CTNNA1: variants seen among roughly 807,000 people sequenced by gnomAD.
CTNNA1 encodes the protein catenin alpha 1, also known as catenin alpha-1.
In CTNNA1, 37 loss-of-function variants were observed where a neutral mutation model predicts 98.4. The observed-to-expected ratio is 0.38, with a 90% CI of 0.29 to 0.49. The LOEUF is 0.49. Ranked by LOEUF, CTNNA1 falls within the 20% of genes least tolerant of loss-of-function variation. The probability of loss-of-function intolerance (pLI) is 0.95; values close to 1 mark genes in which losing one functional copy is unlikely to be tolerated. For missense variants in CTNNA1, 761 were observed against 1,147.2 expected, an observed-to-expected ratio of 0.66 and a Z score of 4.86; for synonymous variants, 404 against 413.2, an observed-to-expected ratio of 0.98 and a Z score of 0.27.
At chr5:138,834,790 C>T (rs1277203290) in intron 7 of CTNNA1, among the ~76,000 whole-genome samples, 2 of 152,102 alleles carry the variant, frequency 1.3e-5, no homozygotes, top group Admixed American at 6.5e-5. Flanking sequence ...TGTCACTTGC[C>T]TCTGTGTGAA....
intron 11 of CTNNA1, among the ~76,000 whole-genome samples, chr5:138,919,947 T>C (rs954187418): frequency 6.6e-6 from 1 of 151,722 alleles, no homozygotes; most frequent in Non-Finnish European, 1.5e-5. Context: ...GTACATCCCT[T>C]ACCCATGGTA....
intron 1 of CTNNA1, among the ~76,000 whole-genome samples, chr5:138,774,900 C>G (rs928284185): frequency 6.6e-6 from 1 of 152,066 alleles, no homozygotes; most frequent in Non-Finnish European, 1.5e-5. Context: ...TGAGCCACCG[C>G]GCCCGTCCTG....
At chr5:138,882,022 T>G (rs13362148) in intron 7 of CTNNA1, among the ~76,000 whole-genome samples, 3,482 of 152,296 alleles carry the variant, frequency 0.023, 135 homozygotes, top group African/African-American at 0.081. Context: ...GCCACACAGA[T>G]TACACATGAA....
chr5:138,914,482 C>G (rs1761316871), intron 10 of CTNNA1, among the ~76,000 whole-genome samples: 2 of 152,106 alleles, frequency 1.3e-5, no homozygotes, highest in African/African-American at 2.4e-5. Context: ...TTGCCTAAAC[C>G]CAGGCACTTA....
At chr5:138,794,385 A>G (rs1756709368) in intron 3 of CTNNA1, among the ~76,000 whole-genome samples, 1 of 152,216 alleles carries the variant, frequency 6.6e-6, no homozygotes, top group African/African-American at 2.4e-5. Context: ...TGCATCCCAG[A>G]AAGTTCTCTT....
Position 138,812,218 on chromosome 5 carries a change from C to G in CTNNA1, c.504C>G (p.Gly168=). 6.2e-7 allele frequency: 1 copy of G among 1,613,402 alleles called. No homozygotes were observed. The highest frequency in any genetic ancestry group is 2.2e-5 in the East Asian group (1 of 44,828). The part of the protein sequence containing the change: ...EDGILKLRNA[G]NEQDLGIQYK... ...GTATCTTGAAGTTGAGGAATGCTGG[C>G]AATGAACAAGACTTAGGAATCCAGT... The change falls in exon 5 of 18, where the codon GGC becomes GGG. Residue 168 remains glycine, a synonymous_variant. Coordinates refer to ENST00000302763, the MANE Select transcript of CTNNA1 (RefSeq NM_001903.5).
intron 11 of CTNNA1, among the ~76,000 whole-genome samples, chr5:138,918,571 G>T (rs141174491): frequency 2.0e-5 from 3 of 152,226 alleles, no homozygotes; most frequent in East Asian, 3.9e-4. Flanking sequence ...AAAAACAGTT[G>T]ATTTCATTAT....
At chr5:138,914,845 T>C (rs1761385950) in intron 10 of CTNNA1, among the ~76,000 whole-genome samples, 1 of 152,098 alleles carries the variant, frequency 6.6e-6, no homozygotes, top group South Asian at 2.1e-4. Context: ...CCAAGTTGCA[T>C]GATTATAAAC....
intron 13 of CTNNA1, among the ~76,000 whole-genome samples, chr5:138,928,762 C>T (rs111461961): frequency 0.023 from 3,562 of 152,196 alleles, 121 homozygotes; most frequent in African/African-American, 0.077. Flanking sequence ...GGTGAAACCC[C>T]GTCTCTACTA....
At chr5:138,826,784 T>C (rs1483831805) in intron 6 of CTNNA1, among the ~76,000 whole-genome samples, 1 of 152,214 alleles carries the variant, frequency 6.6e-6, no homozygotes, top group Admixed American at 6.5e-5. Context: ...GAGATCAGTT[T>C]GTATGTGTGC....
chr5:138,927,334 C>T (rs1255808755), intron 13 of CTNNA1, among the ~76,000 whole-genome samples: 1 of 152,218 alleles, frequency 6.6e-6, no homozygotes, highest in African/African-American at 2.4e-5. Context: ...TCCTGCTGAT[C>T]TCCTCTTGTA....
chr5:138,876,583 T>G (rs1024353343), intron 7 of CTNNA1, among the ~76,000 whole-genome samples: 9 of 152,346 alleles, frequency 5.9e-5, no homozygotes, highest in African/African-American at 2.2e-4. Context: ...CATACCTATT[T>G]CTCCCATATC....
chr5:138,808,057 A>G (rs140609093), intron 3 of CTNNA1, among the ~76,000 whole-genome samples: 1 of 152,228 alleles, frequency 6.6e-6, no homozygotes, highest in East Asian at 1.9e-4. Context: ...AGCCTAAGAC[A>G]TTATTAATAT....
chr5:138,814,157 A>G (rs115543968), intron 5 of CTNNA1, among the ~76,000 whole-genome samples: 39 of 152,236 alleles, frequency 2.6e-4, no homozygotes, highest in African/African-American at 9.1e-4. Flanking sequence ...ACTAACTTAT[A>G]TATGAGATCC....
intron 1 of CTNNA1, chr5:138,754,429 CAT>C: frequency 6.6e-6 from 1 of 152,138 alleles, no homozygotes; most frequent in East Asian, 1.9e-4. Flanking sequence ...ATCTTGGTGA[CAT>C]TTTTTTGGTG....
chr5:138,831,378 T>C (rs1482256021), intron 7 of CTNNA1, among the ~76,000 whole-genome samples: 2 of 152,232 alleles, frequency 1.3e-5, no homozygotes, highest in African/African-American at 4.8e-5. Flanking sequence ...GATTCCAGTG[T>C]GCAACTAAGG....
chr5:138,850,622 T>A (rs1763103385), intron 7 of CTNNA1, among the ~76,000 whole-genome samples: 1 of 152,240 alleles, frequency 6.6e-6, no homozygotes, highest in African/African-American at 2.4e-5. Flanking sequence ...ACATCACAGA[T>A]GGTTTAAAGT....
chr5:138,789,850 A>G (rs781027873), intron 3 of CTNNA1, among the ~76,000 whole-genome samples: 2 of 152,226 alleles, frequency 1.3e-5, no homozygotes, highest in Non-Finnish European at 2.9e-5. Context: ...GCTTGAATGT[A>G]TCAAGTGACA....
intron 13 of CTNNA1, 150 bp downstream of exon 13, chr5:138,925,557 C>T (rs1398930936): frequency 1.0e-4 from 124 of 1,206,268 alleles, no homozygotes; most frequent in Non-Finnish European, 1.3e-4. Flanking sequence ...TATTTAATTA[C>T]GTTGTCTAAA....
Sources: allele counts gnomAD v4.1 joint callset (sites outside exome capture counted in the v4.1 genomes callset), GRCh38; gene constraint gnomAD v4.1.1; transcripts MANE v1.5; gene names NCBI Gene and HGNC (gene_info 2026-07-23, HGNC 2026-07-21).